NTN1: variants seen among roughly 807,000 people sequenced by gnomAD.
NTN1 encodes the protein netrin-1.
Under a neutral mutation model 54.2 loss-of-function variants are expected in NTN1, and 11 were observed. That is an observed-to-expected ratio of 0.20 (90% confidence interval 0.13 to 0.34). The LOEUF (loss-of-function observed/expected upper bound fraction) is 0.34. Ranked by LOEUF, NTN1 falls within the 10% of genes least tolerant of loss-of-function variation. NTN1 has a pLI of 1.00. For synonymous variants in NTN1, 371 were observed against 382.0 expected, an observed-to-expected ratio of 0.97 and a Z score of 0.33; for missense variants, 740 against 893.1, an observed-to-expected ratio of 0.83 and a Z score of 2.18.
chr17:9,113,937 C>T (rs1009966967), intron 2 of NTN1, among the ~76,000 whole-genome samples: 20 of 151,250 alleles, frequency 1.3e-4, no homozygotes, highest in African/African-American at 4.4e-4. Context: ...CCGAGGTGGG[C>T]GGATCACTTG....
chr17:9,184,657 C>T (rs2092428066), intron 5 of NTN1, among the ~76,000 whole-genome samples: 11 of 152,230 alleles, frequency 7.2e-5, no homozygotes, highest in Admixed American at 7.2e-4. Context: ...CTCTCCATCT[C>T]CGTCTTTGTC....
chr17:9,051,614 A>G (rs966389974), intron 2 of NTN1, among the ~76,000 whole-genome samples: 1 of 152,238 alleles, frequency 6.6e-6, no homozygotes, highest in Admixed American at 6.5e-5. Context: ...TTTGCTATAC[A>G]TATGCATTGT....
rs1905293935 is a variant in NTN1, at chr17:9,219,939, C to A, written c.1412-1229C>A. Among the ~76,000 whole-genome samples the A allele has an allele frequency of 6.6e-6, 1 of 152,248 alleles. No homozygotes were observed. Among genetic ancestry groups the A allele is most frequent in the Non-Finnish European group, 1.5e-5 (1 of 68,040 alleles). ...AGCCAACTTCCATCAACCCATGCCACCACTGCTTCTAGAACAGGCTGGGCC... is the reference window on the plus strand; with the variant it reads ...AGCCAACTTCCATCAACCCATGCCAACACTGCTTCTAGAACAGGCTGGGCC... On this transcript the variant is annotated intron_variant, in intron 5 of 6. Coordinates refer to ENST00000173229, the MANE Select transcript of NTN1 (RefSeq NM_004822.3). The surrounding 1 kb of genome is among the most constrained non-coding windows in gnomAD (Gnocchi z 4.5).
At chr17:9,041,349 T>C (rs1397124540) in intron 2 of NTN1, among the ~76,000 whole-genome samples, 1 of 152,184 alleles carries the variant, frequency 6.6e-6, no homozygotes, top group Non-Finnish European at 1.5e-5. Flanking sequence ...TCACTTTCCA[T>C]CCTTCACCCT....
intron 5 of NTN1, among the ~76,000 whole-genome samples, chr17:9,202,879 G>T (rs115102745): frequency 6.6e-6 from 1 of 151,880 alleles, no homozygotes. Flanking sequence ...GATATTCTGC[G>T]TCTGTGTTTC....
intron 6 of NTN1, among the ~76,000 whole-genome samples, chr17:9,231,142 C>G (rs536882462): frequency 2.2e-4 from 33 of 152,292 alleles, no homozygotes; most frequent in African/African-American, 7.9e-4. Flanking sequence ...CGCTGGCTCT[C>G]CCCTGGGATG....
At chr17:9,186,907 C>T (rs3785982) in intron 5 of NTN1, among the ~76,000 whole-genome samples, 12,762 of 152,024 alleles carry the variant, frequency 0.084, 743 homozygotes, top group East Asian at 0.2. Flanking sequence ...GACTTGAATG[C>T]GGCATTAGCG....
chr17:9,036,188 ACTCT>A (rs1161701823), intron 2 of NTN1, among the ~76,000 whole-genome samples: 1 of 149,316 alleles, frequency 6.7e-6, no homozygotes, highest in East Asian at 2.0e-4. Flanking sequence ...CAGTGGTTAA[ACTCT>A]CTATTTAGTG....
At chr17:9,106,755 T>C (rs982893775) in intron 2 of NTN1, among the ~76,000 whole-genome samples, 10 of 152,240 alleles carry the variant, frequency 6.6e-5, no homozygotes, top group Non-Finnish European at 1.5e-4. Context: ...CCTCAGGTGA[T>C]CCACCCGCCT....
At chr17:9,088,169 C>T (rs1356059635) in intron 2 of NTN1, among the ~76,000 whole-genome samples, 1 of 152,174 alleles carries the variant, frequency 6.6e-6, no homozygotes. Context: ...GGGCAGGAGG[C>T]GGGAGACAGG....
At chr17:9,189,571 C>T (rs1293613555) in intron 5 of NTN1, among the ~76,000 whole-genome samples, 6 of 151,984 alleles carry the variant, frequency 3.9e-5, no homozygotes, top group Non-Finnish European at 7.4e-5. Flanking sequence ...AGGCTGGTCT[C>T]GAACTCCTGA....
At position 9,058,939 on chromosome 17, in the gene NTN1, G is replaced by A. The variant is rs533012579; in HGVS notation, c.1018+35548G>A. The stretch of plus-strand genomic sequence containing the variant: ...CAAATCCAGACTCGGCCACTTCCTG[G>A]CTGTGGCTCTGAGCAAGTTCTTTAA... On this transcript the variant is annotated intron_variant, in intron 2 of 6. Transcript: ENST00000173229. Among the ~76,000 whole-genome samples, 6 of 152,250 alleles carry A rather than the reference G, an allele frequency of 3.9e-5. No homozygotes were observed. In the South Asian group the frequency reaches 1.2e-3, roughly 32 times the overall value.
chr17:9,015,484 C>A, the NTN1 span, among the ~76,000 whole-genome samples: 2 of 152,048 alleles, frequency 1.3e-5, no homozygotes, highest in Non-Finnish European at 2.9e-5. Context: ...CAAAGGCACC[C>A]CCGGCCACCC....
At chr17:9,078,003 A>C (rs2092057095) in intron 2 of NTN1, among the ~76,000 whole-genome samples, 1 of 152,150 alleles carries the variant, frequency 6.6e-6, no homozygotes, top group Non-Finnish European at 1.5e-5. Flanking sequence ...GATGGTGGTT[A>C]AGCACTCCTT....
chr17:9,216,180 A>G (rs868390107), intron 5 of NTN1, among the ~76,000 whole-genome samples: 23 of 152,128 alleles, frequency 1.5e-4, no homozygotes, highest in Non-Finnish European at 7.4e-5. Context: ...CTGGTCTTGA[A>G]CTCCTAGCCT....
chr17:9,217,273 G>C (rs760474898), intron 5 of NTN1, among the ~76,000 whole-genome samples: 5 of 152,126 alleles, frequency 3.3e-5, no homozygotes, highest in Admixed American at 6.5e-5. Context: ...ACCTGAACAG[G>C]TTTTGCTTAG....
intron 2 of NTN1, among the ~76,000 whole-genome samples, chr17:9,060,923 C>G (rs537157829): frequency 2.8e-4 from 38 of 137,966 alleles, no homozygotes; most frequent in Admixed American, 1.1e-3. Flanking sequence ...TTGCAGTGAG[C>G]CGAGATTGTA....
rs754635697 is a variant in NTN1 at position 9,221,151 on chromosome 17, C to CG, written c.1412-17_1412-16insG. ...CTAATTAGTTTTTGTCTGTGCTCCCCCCCCACCCCCCTGCAGACTGCGATT... is the reference window on the plus strand; with the variant it reads ...CTAATTAGTTTTTGTCTGTGCTCCCCGCCCCACCCCCCTGCAGACTGCGATT... On this transcript the variant is annotated splice_polypyrimidine_tract_variant and intron_variant, in intron 5 of 6. Coordinates refer to ENST00000173229, the MANE Select transcript of NTN1 (RefSeq NM_004822.3). This position sits in a 1 kb window ranked among gnomAD's most constrained non-coding sequence, Gnocchi z 4.5. The CG allele has an allele frequency of 1.2e-5, 18 of 1,519,014 alleles. No individual in the cohort carries two copies. The highest frequency in any genetic ancestry group is 1.5e-5 in the Non-Finnish European group (17 of 1,101,862). The allele number at this position is 1,519,014 out of a possible 1,614,324, so 94.1% of individuals were successfully genotyped here. A position where few individuals can be genotyped will look rare whatever the true frequency, so the allele number is the denominator to read the frequency against.
intron 4 of NTN1, among the ~76,000 whole-genome samples, chr17:9,182,403 G>A (rs2092421124): frequency 6.6e-6 from 1 of 152,224 alleles, no homozygotes; most frequent in African/African-American, 2.4e-5. Context: ...TGAGATGTGA[G>A]GCTGTAGGAA....
Sources: gnomAD v4.1 joint callset for allele counts (sites outside exome capture counted in the v4.1 genomes callset) on GRCh38, gnomAD v4.1.1 for gene constraint, Gnocchi (gnomAD v3.1) non-coding constraint, MANE v1.5 for transcripts, NCBI Gene and HGNC (gene_info 2026-07-23, HGNC 2026-07-21) for gene names.